TRPS1: variants seen among roughly 807,000 people sequenced by gnomAD.
The protein encoded by TRPS1 is transcriptional repressor GATA binding 1.
Under a neutral mutation model 101.2 loss-of-function variants are expected in TRPS1, and 6 were observed. The ratio of observed to expected loss-of-function variants is 0.06; its 90% CI spans 0.03 to 0.12. The LOEUF (loss-of-function observed/expected upper bound fraction) is 0.12. Ranked by LOEUF, TRPS1 falls within the 10% of genes least tolerant of loss-of-function variation. TRPS1 has a pLI of 1.00. For synonymous variants in TRPS1, 578 were observed against 589.8 expected (o/e 0.98, Z 0.29); for missense variants, 1,363 against 1,567.0 (o/e 0.87, Z 2.20).
At chr8:115,495,620 G>T (rs986991525) in intron 5 of TRPS1, among the ~76,000 whole-genome samples, 2 of 151,514 alleles carry the variant, frequency 1.3e-5, no homozygotes, top group Non-Finnish European at 2.9e-5. Context: ...TACACTAGAG[G>T]GTGACTGCAC....
At chr8:115,462,729 G>A (rs1441768889) in intron 5 of TRPS1, among the ~76,000 whole-genome samples, 1 of 150,566 alleles carries the variant, frequency 6.6e-6, no homozygotes, top group Admixed American at 6.6e-5. Context: ...TAATCACTAG[G>A]GCTCTGTATT....
At chr8:115,571,757 C>A (rs1817208615) in intron 5 of TRPS1, among the ~76,000 whole-genome samples, 1 of 152,004 alleles carries the variant, frequency 6.6e-6, no homozygotes, top group Non-Finnish European at 1.5e-5. Flanking sequence ...AACACCAATA[C>A]ATAAAACTAA....
At chr8:115,461,310 T>C (rs1320477512) in intron 5 of TRPS1, among the ~76,000 whole-genome samples, 4 of 150,818 alleles carry the variant, frequency 2.7e-5, no homozygotes, top group African/African-American at 7.3e-5. Flanking sequence ...GACAGATACA[T>C]ACATACATAC....
At chr8:115,618,636 C>A (rs1818320606) in intron 3 of TRPS1, among the ~76,000 whole-genome samples, 2 of 152,116 alleles carry the variant, frequency 1.3e-5, no homozygotes, top group Admixed American at 1.3e-4. Flanking sequence ...AATTATTTTG[C>A]CTTTTCAGGA....
intron 5 of TRPS1, among the ~76,000 whole-genome samples, chr8:115,444,289 C>T (rs1813677347): frequency 6.6e-6 from 1 of 151,892 alleles, no homozygotes; most frequent in South Asian, 2.1e-4. Flanking sequence ...CAACATGGTA[C>T]ATACAATAGA....
At chr8:115,427,263 C>T (rs1198774077) in intron 5 of TRPS1, among the ~76,000 whole-genome samples, 3 of 151,910 alleles carry the variant, frequency 2.0e-5, no homozygotes, top group South Asian at 4.2e-4. Flanking sequence ...GGCAACAGAG[C>T]GAGACACTGT....
At chr8:115,637,507 A>AT (rs1818797675) in intron 1 of TRPS1, among the ~76,000 whole-genome samples, 1 of 152,206 alleles carries the variant, frequency 6.6e-6, no homozygotes, top group Non-Finnish European at 1.5e-5. Flanking sequence ...AGATAAAAAG[A>AT]TGGGGTGACT....
At chr8:115,496,585 A>C (rs1239703173) in intron 5 of TRPS1, among the ~76,000 whole-genome samples, 1 of 152,192 alleles carries the variant, frequency 6.6e-6, no homozygotes, top group Admixed American at 6.5e-5. Context: ...CATAAAGGCT[A>C]TCATTTATTA....
chr8:115,529,748 A>G (rs984452288), intron 5 of TRPS1, among the ~76,000 whole-genome samples: 3 of 152,172 alleles, frequency 2.0e-5, no homozygotes, highest in Non-Finnish European at 4.4e-5. Flanking sequence ...AATGCCCACT[A>G]TATTGAGCAG....
chr8:115,652,598 T>C (rs1811584993), intron 1 of TRPS1, among the ~76,000 whole-genome samples: 1 of 152,228 alleles, frequency 6.6e-6, no homozygotes. Flanking sequence ...TCAATATTTG[T>C]TGTTACCTAA....
At chr8:115,550,244 G>A (rs56994647) in intron 5 of TRPS1, among the ~76,000 whole-genome samples, 4,451 of 152,202 alleles carry the variant, frequency 0.029, 203 homozygotes, top group African/African-American at 0.1. Flanking sequence ...GGCAACCAAT[G>A]ATTTGTGGGG....
intron 5 of TRPS1, among the ~76,000 whole-genome samples, chr8:115,437,542 A>G (rs966399929): frequency 3.3e-5 from 5 of 152,242 alleles, no homozygotes; most frequent in Non-Finnish European, 5.9e-5. Flanking sequence ...TCAAATATCA[A>G]AAAGTATTTA....
chr8:115,544,725 C>T (rs985364414), intron 5 of TRPS1, among the ~76,000 whole-genome samples: 3 of 152,142 alleles, frequency 2.0e-5, no homozygotes, highest in African/African-American at 7.2e-5. Flanking sequence ...CATTCGTTAA[C>T]ACCCTTTCAT....
intron 5 of TRPS1, among the ~76,000 whole-genome samples, chr8:115,449,903 A>G (rs1248677730): frequency 1.3e-5 from 2 of 151,824 alleles, no homozygotes; most frequent in Non-Finnish European, 2.9e-5. Context: ...CACACATAAC[A>G]CTTTAAAATG....
chr8:115,511,298 A>G (rs1369966009), intron 5 of TRPS1: 1 of 151,918 alleles, frequency 6.6e-6, no homozygotes. Context: ...CTGCTGAGAA[A>G]TATTTTTCTC....
At chr8:115,540,843 T>C (rs1048250483) in intron 5 of TRPS1, among the ~76,000 whole-genome samples, 1 of 151,906 alleles carries the variant, frequency 6.6e-6, no homozygotes, top group East Asian at 1.9e-4. Context: ...ATCTAATATA[T>C]ACCCATGAAA....
rs529544744 is a variant in TRPS1 at position 115,597,256 on chromosome 8, C to T, written c.2096+6617G>A. 3.3e-5 allele frequency among the ~76,000 whole-genome samples: 5 copies of T among 151,888 alleles called. No individual in the cohort carries two copies. In the South Asian group the frequency reaches 8.3e-4, roughly 25 times the overall value. On this transcript the variant is annotated intron_variant, in intron 4 of 6. Transcript: ENST00000395715. ...ATTTGCCTTCCAAAGTAGTATGTTC[C>T]GACCATTTCTATCCCTCATAAGGTG... is the stretch of plus-strand genomic sequence containing the variant.
At chr8:115,588,371 C>T (rs1042963287) in intron 4 of TRPS1, among the ~76,000 whole-genome samples, 12 of 152,104 alleles carry the variant, frequency 7.9e-5, no homozygotes, top group African/African-American at 2.9e-4. Flanking sequence ...TCTATGAGAA[C>T]GTAAACACAT....
At chr8:115,557,558 G>T (rs1586400149) in intron 5 of TRPS1, among the ~76,000 whole-genome samples, 1 of 151,928 alleles carries the variant, frequency 6.6e-6, no homozygotes, top group Admixed American at 6.6e-5. Flanking sequence ...TTTTATAAGG[G>T]GCTTCCCCCT....
Sources: gnomAD v4.1 joint callset for allele counts (sites outside exome capture counted in the v4.1 genomes callset) on GRCh38, gnomAD v4.1.1 for gene constraint, MANE v1.5 for transcripts, NCBI Gene and HGNC (gene_info 2026-07-23, HGNC 2026-07-21) for gene names.